RABGAP1L: variants seen among roughly 807,000 people sequenced by gnomAD.
RABGAP1L encodes RAB GTPase activating protein 1 like.
A neutral mutation model predicts 137.7 loss-of-function variants in RABGAP1L; 63 were observed. That is an observed-to-expected ratio of 0.46 (90% CI 0.37 to 0.56). The LOEUF (loss-of-function observed/expected upper bound fraction) is 0.56. Ranked by LOEUF, RABGAP1L falls within the 20% of genes least tolerant of loss-of-function variation. The probability of loss-of-function intolerance (pLI) is 0.00; values close to 1 mark genes in which losing one functional copy is unlikely to be tolerated. For synonymous variants in RABGAP1L, 431 were observed against 433.7 expected (o/e 0.99, Z 0.08); for missense variants, 1,095 against 1,244.0 (o/e 0.88, Z 1.80).
At chr1:174,985,039 A>G (rs1338735445) in intron 24 of RABGAP1L, among the ~76,000 whole-genome samples, 1 of 152,218 alleles carries the variant, frequency 6.6e-6, no homozygotes, top group East Asian at 1.9e-4. Flanking sequence ...AGGTGAGACT[A>G]CCTAATGAAA....
At chr1:174,359,864 C>T (rs1683981260) in intron 11 of RABGAP1L, among the ~76,000 whole-genome samples, 1 of 152,098 alleles carries the variant, frequency 6.6e-6, no homozygotes, top group Non-Finnish European at 1.5e-5. Context: ...TAGATTAATG[C>T]CTTTAAAATT....
chr1:174,214,490 A>T (rs1407163638), intron 1 of RABGAP1L, among the ~76,000 whole-genome samples: 1 of 152,228 alleles, frequency 6.6e-6, no homozygotes, highest in Non-Finnish European at 1.5e-5. Flanking sequence ...AAAAAGTCCT[A>T]AAATTTATAT....
At chr1:174,181,046 A>G (rs928940161) in intron 1 of RABGAP1L, among the ~76,000 whole-genome samples, 5 of 152,214 alleles carry the variant, frequency 3.3e-5, no homozygotes, top group Non-Finnish European at 7.3e-5. Flanking sequence ...GATATGGTTT[A>G]TAAGTGGCAG....
intron 19 of RABGAP1L, among the ~76,000 whole-genome samples, chr1:174,869,357 G>T (rs1049611959): frequency 1.8e-4 from 27 of 152,036 alleles, no homozygotes; most frequent in African/African-American, 6.3e-4. Flanking sequence ...TGCTGTTCTT[G>T]TGATCCTGAG....
chr1:174,735,409 T>A (rs772211764), intron 17 of RABGAP1L, among the ~76,000 whole-genome samples: 8 of 151,728 alleles, frequency 5.3e-5, no homozygotes, highest in Non-Finnish European at 1.0e-4. Context: ...TTCTTAAAGA[T>A]GTATAAACAG....
rs150506945 is a variant in RABGAP1L, at chr1:174,707,623, A to G, written c.2169+5367A>G. Among the ~76,000 whole-genome samples the G allele has an allele frequency of 3.9e-5, 6 of 152,336 alleles. No individual in the cohort carries two copies. The East Asian group carries it at 9.6e-4, about 24-fold the overall frequency. ...AATACCTGTCTCTCAGGTTTAGTGTAAGAATTAGATGAGATTATGATATCA... is the reference window on the plus strand; with the variant it reads ...AATACCTGTCTCTCAGGTTTAGTGTGAGAATTAGATGAGATTATGATATCA... On this transcript the variant is annotated intron_variant, in intron 17 of 25. Coordinates refer to ENST00000681986, the MANE Select transcript of RABGAP1L (RefSeq NM_001366446.1).
At chr1:174,934,346 C>A (rs748226781) in intron 19 of RABGAP1L, among the ~76,000 whole-genome samples, 19 of 152,110 alleles carry the variant, frequency 1.2e-4, no homozygotes, top group Non-Finnish European at 2.6e-4. Context: ...CCTCGGCCTC[C>A]CAGGTGCTGG....
intron 12 of RABGAP1L, among the ~76,000 whole-genome samples, chr1:174,378,899 C>A (rs1168592313): frequency 1.6e-5 from 2 of 127,634 alleles, no homozygotes; most frequent in Non-Finnish European, 3.3e-5. Context: ...AGGTTTTCTT[C>A]TAGGGTTTTT....
At chr1:174,163,199 T>A (rs532265334) in intron 1 of RABGAP1L, among the ~76,000 whole-genome samples, 1 of 152,302 alleles carries the variant, frequency 6.6e-6, no homozygotes, top group South Asian at 2.1e-4. Flanking sequence ...ATTGTTTGAC[T>A]CCTAGACTTT....
chr1:174,929,801 A>T (rs1224591596), intron 19 of RABGAP1L, among the ~76,000 whole-genome samples: 1 of 133,332 alleles, frequency 7.5e-6, no homozygotes, highest in Non-Finnish European at 1.6e-5. Context: ...AATAAATAAG[A>T]AATTTAGGAA....
chr1:174,941,236 C>T (rs1215339577), intron 19 of RABGAP1L, among the ~76,000 whole-genome samples: 1 of 149,178 alleles, frequency 6.7e-6, no homozygotes, highest in Non-Finnish European at 1.5e-5. Flanking sequence ...CCCCAGTCTA[C>T]ACAGCGTGTT....
Position 174,205,666 on chromosome 1 carries a change from T to C in RABGAP1L, c.-33-13459T>C, listed in dbSNP as rs566035550. 2.0e-5 allele frequency among the ~76,000 whole-genome samples: 3 copies of C among 152,276 alleles called. No individual in the cohort carries two copies. The South Asian group carries it at 6.2e-4, about 32-fold the overall frequency. On this transcript the variant is annotated intron_variant, in intron 1 of 25. Coordinates refer to ENST00000681986, the MANE Select transcript of RABGAP1L (RefSeq NM_001366446.1). Reference sequence around the variant, plus strand: ...TTATTTCTAATTGTGTTCTCTCTTTTCTTTATTACTCTAGCTAGTGGCCTA... The same window carrying C: ...TTATTTCTAATTGTGTTCTCTCTTTCCTTTATTACTCTAGCTAGTGGCCTA...
intron 19 of RABGAP1L, among the ~76,000 whole-genome samples, chr1:174,892,147 C>T (rs760902350): frequency 1.3e-5 from 2 of 152,220 alleles, no homozygotes; most frequent in Non-Finnish European, 2.9e-5. Flanking sequence ...AAGCATCTCG[C>T]GTGGTGGCTC....
intron 13 of RABGAP1L, among the ~76,000 whole-genome samples, chr1:174,432,395 C>T (rs752412079): frequency 2.8e-4 from 43 of 152,104 alleles, no homozygotes; most frequent in Admixed American, 5.2e-4. Flanking sequence ...TAAAAAGCCC[C>T]CCATTTATCT....
intron 19 of RABGAP1L, among the ~76,000 whole-genome samples, chr1:174,924,999 C>G (rs1003288409): frequency 1.3e-5 from 2 of 152,042 alleles, no homozygotes. Flanking sequence ...TACATTTGCG[C>G]AAGGACTTGA....
At chr1:174,480,166 G>T (rs1223720563) in intron 13 of RABGAP1L, among the ~76,000 whole-genome samples, 1 of 152,082 alleles carries the variant, frequency 6.6e-6, no homozygotes, top group Non-Finnish European at 1.5e-5. Context: ...AAGGATGTGG[G>T]TGGTATTTAT....
intron 14 of RABGAP1L, among the ~76,000 whole-genome samples, chr1:174,665,104 A>G (rs1387942661): frequency 6.6e-6 from 1 of 152,166 alleles, no homozygotes; most frequent in African/African-American, 2.4e-5. Context: ...CATGAAATGC[A>G]GATTAAAAAG....
chr1:174,743,759 A>G (rs903035377), intron 17 of RABGAP1L, among the ~76,000 whole-genome samples: 7 of 152,146 alleles, frequency 4.6e-5, no homozygotes, highest in African/African-American at 2.4e-5. Context: ...TTACTACTTA[A>G]TCTGTACAAA....
chr1:174,860,927 G>A (rs912976744), intron 19 of RABGAP1L, among the ~76,000 whole-genome samples: 20 of 152,272 alleles, frequency 1.3e-4, no homozygotes, highest in African/African-American at 4.6e-4. Context: ...GTGTGTGTGT[G>A]TATGTGTGTG....
Sources: allele counts gnomAD v4.1 joint callset (sites outside exome capture counted in the v4.1 genomes callset), GRCh38; gene constraint gnomAD v4.1.1; transcripts MANE v1.5; gene names NCBI Gene and HGNC (gene_info 2026-07-23, HGNC 2026-07-21).